CSGALNACT1: variants seen among roughly 807,000 people sequenced by gnomAD.
The protein encoded by CSGALNACT1 is beta4GalNAcT-1.
Under a neutral mutation model 51.0 loss-of-function variants are expected in CSGALNACT1, and 52 were observed. The observed-to-expected ratio is 1.02, with a 90% CI of 0.82 to 1.29. The LOEUF (loss-of-function observed/expected upper bound fraction) is 1.29. Ranked by LOEUF, CSGALNACT1 falls within the 50% of genes most tolerant of loss-of-function variation. The pLI is 0.00. For missense variants in CSGALNACT1, 935 were observed against 679.2 expected (o/e 1.38, Z -4.19); for synonymous variants, 341 against 254.4 (o/e 1.34, Z -3.24).
In CSGALNACT1 at chr8:19,412,019, G is replaced by A. The variant is rs192644449; in HGVS notation, c.1228-3325C>T. 4.0e-3 allele frequency among the ~76,000 whole-genome samples: 604 copies of A among 152,224 alleles called. 3 individuals carry two copies. Among genetic ancestry groups the A allele is most frequent in the African/African-American group, 0.014 (581 of 41,536 alleles). On this transcript the variant is annotated intron_variant, in intron 8 of 9. Transcript: ENST00000454498. The stretch of plus-strand genomic sequence containing the variant: ...CTACATTTTTTATATTTTTAGTAAA[G>A]AAGGGGTTTTGCCATGTTGGCCAGG...
intron 4 of CSGALNACT1, among the ~76,000 whole-genome samples, chr8:19,487,622 C>T (rs183726520): frequency 1.0e-3 from 158 of 152,184 alleles, no homozygotes; most frequent in Middle Eastern, 6.8e-3. Flanking sequence ...CTCCAACAGC[C>T]GAAAAGCCAC....
intron 5 of CSGALNACT1, among the ~76,000 whole-genome samples, chr8:19,446,879 AATAAACCC>A (rs984937255): frequency 3.8e-4 from 58 of 152,196 alleles, no homozygotes; most frequent in South Asian, 1.0e-3. Flanking sequence ...CAACAACAAA[AATAAACCC>A]ATAAACCCAT....
At chr8:19,458,541 C>T (rs758887462) in exon 5 of CSGALNACT1, 16 of 1,614,030 alleles carry the variant, frequency 9.9e-6, no homozygotes, top group East Asian at 2.2e-5. Context: ...ATGATGGGGC[C>T]GAATGGTCGA....
Position 19,665,883 on chromosome 8 carries a change from T to A in CSGALNACT1, c.-544+16590A>T, listed in dbSNP as rs77677119. 7.4e-3 allele frequency among the ~76,000 whole-genome samples: 1,125 copies of A among 152,312 alleles called. 19 individuals are homozygous for A. Among genetic ancestry groups the A allele is most frequent in the African/African-American group, 0.026 (1,080 of 41,560 alleles). On this transcript the variant is annotated intron_variant, in intron 1 of 9. Transcript: ENST00000332246. ...AGTTAACATTTCAACTTCCTCTTAG[T>A]CTCACCTCCCAGGACAAGATCAATG...
At chr8:19,696,311 CAT>C (rs1399025885) in intron 1 of CSGALNACT1, among the ~76,000 whole-genome samples, 1 of 152,174 alleles carries the variant, frequency 6.6e-6, no homozygotes, top group Non-Finnish European at 1.5e-5. Flanking sequence ...TAATGTGTGT[CAT>C]ATTTTTTTAA....
chr8:19,440,562 G>A (rs181036942), intron 5 of CSGALNACT1, among the ~76,000 whole-genome samples: 41 of 151,880 alleles, frequency 2.7e-4, no homozygotes, highest in African/African-American at 8.7e-4. Context: ...TTGATGGGAC[G>A]TATTTCAAAA....
intron 3 of CSGALNACT1, among the ~76,000 whole-genome samples, chr8:19,572,967 G>C (rs2043339580): frequency 6.6e-6 from 1 of 152,100 alleles, no homozygotes; most frequent in Admixed American, 6.5e-5. Flanking sequence ...GGCAGTACGA[G>C]GGATTCAGAA....
chr8:19,740,540 C>G (rs555580003), intron 1 of CSGALNACT1, among the ~76,000 whole-genome samples: 2 of 152,294 alleles, frequency 1.3e-5, no homozygotes, highest in African/African-American at 2.4e-5. Flanking sequence ...AGAGCTTGAG[C>G]CTGGTGTTTG....
chr8:19,440,336 G>T (rs918561839), intron 5 of CSGALNACT1, among the ~76,000 whole-genome samples: 1 of 152,020 alleles, frequency 6.6e-6, no homozygotes, highest in Non-Finnish European at 1.5e-5. Flanking sequence ...CTGGCAAACC[G>T]AATTCAGCAG....
intron 1 of CSGALNACT1, among the ~76,000 whole-genome samples, chr8:19,625,682 T>C (rs2054358894): frequency 6.6e-6 from 1 of 152,224 alleles, no homozygotes; most frequent in South Asian, 2.1e-4. Flanking sequence ...AGTGAAATTC[T>C]AAACAATCTC....
chr8:19,709,541 C>A (rs2062375691), intron 1 of CSGALNACT1, among the ~76,000 whole-genome samples: 1 of 152,142 alleles, frequency 6.6e-6, no homozygotes, highest in Admixed American at 6.6e-5. Flanking sequence ...GAGAAATGAA[C>A]TGAGAGAATG....
intron 3 of CSGALNACT1, among the ~76,000 whole-genome samples, chr8:19,549,656 C>CTTTTTTT (rs542956513): frequency 3.5e-4 from 29 of 83,460 alleles, no homozygotes; most frequent in African/African-American, 8.8e-4. Flanking sequence ...CAATTTCCTA[C>CTTTTTTT]TTTTTTTTTT....
intron 1 of CSGALNACT1, among the ~76,000 whole-genome samples, chr8:19,735,651 TA>T (rs1187964748): frequency 6.6e-6 from 1 of 152,110 alleles, no homozygotes; most frequent in Non-Finnish European, 1.5e-5. Context: ...CAGATAGACT[TA>T]AAAAAATAAA....
chr8:19,737,145 C>T (rs1171721970), intron 1 of CSGALNACT1, among the ~76,000 whole-genome samples: 1 of 152,078 alleles, frequency 6.6e-6, no homozygotes, highest in African/African-American at 2.4e-5. Flanking sequence ...CCTAATGAAA[C>T]TATCTTTGAA....
intron 1 of CSGALNACT1, among the ~76,000 whole-genome samples, chr8:19,638,117 A>G (rs17128765): frequency 0.03 from 4,426 of 148,238 alleles, 252 homozygotes; most frequent in African/African-American, 0.1. Context: ...ACTGTCTAAA[A>G]TAAGCTAGGA....
At chr8:19,535,241 A>C (rs1174686351) in intron 3 of CSGALNACT1, among the ~76,000 whole-genome samples, 3 of 152,228 alleles carry the variant, frequency 2.0e-5, no homozygotes. Flanking sequence ...GTTTAATTTT[A>C]TGAAATCTGG....
At position 19,478,413 on chromosome 8, in the gene CSGALNACT1, C is replaced by CAA. The variant is rs55767885; in HGVS notation, c.635-19773_635-19772dup. Among the ~76,000 whole-genome samples, 561 of 70,740 alleles carry CAA rather than the reference C, an allele frequency of 7.9e-3. 9 individuals carry two copies. The highest frequency in any genetic ancestry group is 0.027 in the African/African-American group (481 of 17,704). 46.4% of individuals were successfully genotyped at this position (70,740 alleles called of 152,430 possible). A position where few individuals can be genotyped will look rare whatever the true frequency, so the allele number is the denominator to read the frequency against. On this transcript the variant is annotated intron_variant, in intron 4 of 9. Transcript: ENST00000454498. Reference sequence around the variant, plus strand: ...TGGGCGACAGAGCGAGACTCCGTCTCAAAAAAAAAAAAAAAAAAAAAAAAA... The same window carrying CAA: ...TGGGCGACAGAGCGAGACTCCGTCTCAAAAAAAAAAAAAAAAAAAAAAAAAAA...
At chr8:19,471,089 C>T (rs1196798997) in intron 4 of CSGALNACT1, among the ~76,000 whole-genome samples, 1 of 151,778 alleles carries the variant, frequency 6.6e-6, no homozygotes, top group South Asian at 2.1e-4. Flanking sequence ...GAGCAAGACT[C>T]TGTCTCAAAA....
intron 1 of CSGALNACT1, among the ~76,000 whole-genome samples, chr8:19,707,892 T>C (rs1013272445): frequency 6.6e-6 from 1 of 152,078 alleles, no homozygotes; most frequent in Non-Finnish European, 1.5e-5. Flanking sequence ...TCCCAGCTAC[T>C]TGGGAGGCTA....
Sources: allele counts gnomAD v4.1 joint callset (sites outside exome capture counted in the v4.1 genomes callset), GRCh38; gene constraint gnomAD v4.1.1; transcripts MANE v1.5; gene names NCBI Gene and HGNC (gene_info 2026-07-23, HGNC 2026-07-21).